The following NEGR1 variants were observed in gnomAD, a reference collection of about 807,000 sequenced individuals.
NEGR1 encodes IgLON family member 4.
NEGR1 carries 10 observed loss-of-function variants against 40.9 expected under a neutral mutation model. The ratio of observed to expected loss-of-function variants is 0.24; its 90% confidence interval spans 0.15 to 0.42. The LOEUF (loss-of-function observed/expected upper bound fraction) is 0.42, where lower values mean the gene tolerates loss of function less well. NEGR1 is among the 10% of genes least tolerant of loss of function. The pLI, the probability that NEGR1 is intolerant of heterozygous loss-of-function variation, is 1.00. For synonymous variants in NEGR1, 185 were observed against 166.8 expected (o/e 1.11, Z -0.84); for missense variants, 352 against 438.9 (o/e 0.80, Z 1.77).
intron 4 of NEGR1, among the ~76,000 whole-genome samples, chr1:71,647,463 T>G (rs1022049372): frequency 6.6e-6 from 1 of 151,942 alleles, no homozygotes; most frequent in African/African-American, 2.4e-5. Flanking sequence ...TTATTATTGG[T>G]GAAGAAATAG....
chr1:71,792,516 T>C (rs1657154813), intron 2 of NEGR1, among the ~76,000 whole-genome samples: 1 of 152,196 alleles, frequency 6.6e-6, no homozygotes, highest in Non-Finnish European at 1.5e-5. Flanking sequence ...TGTTTTTCAT[T>C]TCCAGAGATA....
chr1:71,614,910 G>A (rs142135704), intron 4 of NEGR1, among the ~76,000 whole-genome samples: 163 of 152,260 alleles, frequency 1.1e-3, no homozygotes, highest in Middle Eastern at 0.01. Flanking sequence ...CTAGGGCTTC[G>A]TGGGCTGCTA....
rs1190595125 is a variant in NEGR1 at position 71,975,140 on chromosome 1, G to A, written c.177-39829C>T. Among the ~76,000 whole-genome samples, 3 of 152,130 alleles carry A rather than the reference G, an allele frequency of 2.0e-5. No homozygotes were observed. The South Asian group carries it at 6.2e-4, about 31-fold the overall frequency. On this transcript the variant is annotated intron_variant, in intron 1 of 6. Coordinates refer to ENST00000357731, the MANE Select transcript of NEGR1 (RefSeq NM_173808.3). ...AAGGAATTCAGAGTTTTCCAAAGAAGCACATAAAGGATTTCAAATGCATTC... is the reference window on the plus strand; with the variant it reads ...AAGGAATTCAGAGTTTTCCAAAGAAACACATAAAGGATTTCAAATGCATTC...
chr1:71,825,472 G>A lies in NEGR1; in HGVS notation c.410-49175C>T, dbSNP rs1197666359. Among the ~76,000 whole-genome samples, 3 of 151,948 alleles carry A rather than the reference G, an allele frequency of 2.0e-5. No homozygotes were observed. The East Asian group carries it at 5.8e-4, about 30-fold the overall frequency. ...GATTCTGATTCACAAAGGAACCACT[G>A]GATTATGCTCCAGGTATCTGACAGG... On this transcript the variant is annotated intron_variant, in intron 2 of 6. Coordinates refer to ENST00000357731, the MANE Select transcript of NEGR1 (RefSeq NM_173808.3).
At chr1:71,422,443 C>T (rs1284320885) in intron 6 of NEGR1, 1 of 152,130 alleles carries the variant, frequency 6.6e-6, no homozygotes, top group East Asian at 1.9e-4. Context: ...TTGTCATAAT[C>T]GTTTTTGTGT....
At chr1:71,651,408 C>A (rs754393891) in intron 4 of NEGR1, among the ~76,000 whole-genome samples, 6 of 152,092 alleles carry the variant, frequency 3.9e-5, no homozygotes, top group Non-Finnish European at 7.4e-5. Context: ...TGATATCCAG[C>A]ACACGGGATT....
intron 3 of NEGR1, among the ~76,000 whole-genome samples, chr1:71,717,383 C>T (rs894378271): frequency 6.6e-6 from 1 of 152,120 alleles, no homozygotes; most frequent in African/African-American, 2.4e-5. Flanking sequence ...AATAAGAATT[C>T]TTTTGTTCTT....
intron 4 of NEGR1, among the ~76,000 whole-genome samples, chr1:71,631,181 ATT>A (rs971096864): frequency 3.3e-5 from 5 of 151,802 alleles, no homozygotes; most frequent in African/African-American, 9.7e-5. Context: ...TATCAAATTT[ATT>A]TTGTTTCCAC....
intron 1 of NEGR1, among the ~76,000 whole-genome samples, chr1:72,040,640 C>T (rs1295492572): frequency 7.3e-6 from 1 of 137,296 alleles, no homozygotes; most frequent in African/African-American, 2.7e-5. Context: ...AACTGGGAAC[C>T]TTACTGAAAG....
intron 4 of NEGR1, among the ~76,000 whole-genome samples, chr1:71,687,525 C>A (rs1006744850): frequency 4.6e-5 from 7 of 152,166 alleles, no homozygotes; most frequent in Non-Finnish European, 8.8e-5. Context: ...AACAAAAGCT[C>A]TTATTTCACA....
In NEGR1 at chr1:72,004,075, G is replaced by A. The variant is rs561767933; in HGVS notation, c.177-68764C>T. ...GAGAAAAGAAGTGTGGAGAGAATGG[G>A]GGCAATTGAACTTCCCATAATCAAC... On this transcript the variant is annotated intron_variant, in intron 1 of 6. Transcript: ENST00000357731. Among the ~76,000 whole-genome samples the A allele has an allele frequency of 2.0e-5, 3 of 151,892 alleles. No homozygotes were observed. The East Asian group carries it at 5.8e-4, about 29-fold the overall frequency.
chr1:72,153,403 T>C (rs1651240530), intron 1 of NEGR1, among the ~76,000 whole-genome samples: 2 of 151,884 alleles, frequency 1.3e-5, no homozygotes, highest in African/African-American at 2.4e-5. Flanking sequence ...TTCCAAACTG[T>C]ATCATGATAG....
chr1:72,046,924 T>G lies in NEGR1; in HGVS notation c.177-111613A>C, dbSNP rs12563937. On this transcript the variant is annotated intron_variant, in intron 1 of 6. Transcript: ENST00000357731. Reference sequence around the variant, plus strand: ...CATATTAGAATGCTATTTCACAGGCTGTTGGGGAAGTAATCTGTGTGACCT... The same window carrying G: ...CATATTAGAATGCTATTTCACAGGCGGTTGGGGAAGTAATCTGTGTGACCT... Among the ~76,000 whole-genome samples, 218 of 151,762 alleles carry G rather than the reference T, an allele frequency of 1.4e-3. 4 individuals are homozygous for G. The East Asian group carries it at 0.034, about 24-fold the overall frequency.
intron 4 of NEGR1, among the ~76,000 whole-genome samples, chr1:71,692,832 T>A (rs1653338937): frequency 6.6e-6 from 1 of 151,780 alleles, no homozygotes. Context: ...AAAACTTACT[T>A]CACAGCACAC....
At chr1:72,119,419 A>C (rs557296823) in intron 1 of NEGR1, among the ~76,000 whole-genome samples, 1 of 152,042 alleles carries the variant, frequency 6.6e-6, no homozygotes, top group Admixed American at 6.6e-5. Flanking sequence ...ATGATATTAT[A>C]TTTAGCACAC....
At chr1:71,660,279 A>G (rs1025720759) in intron 4 of NEGR1, among the ~76,000 whole-genome samples, 3 of 152,156 alleles carry the variant, frequency 2.0e-5, no homozygotes, top group African/African-American at 7.2e-5. Flanking sequence ...AAATGATAAG[A>G]ACTTATGAAC....
At chr1:72,137,327 A>G (rs764902436) in intron 1 of NEGR1, among the ~76,000 whole-genome samples, 13 of 152,186 alleles carry the variant, frequency 8.5e-5, no homozygotes, top group Non-Finnish European at 1.5e-4. Flanking sequence ...TCACAATAGA[A>G]AAGTCTTGGA....
Position 71,721,235 on chromosome 1 carries a change from T to A in NEGR1, c.536-23096A>T, listed in dbSNP as rs559149454. On this transcript the variant is annotated intron_variant, in intron 3 of 6. Coordinates refer to ENST00000357731, the MANE Select transcript of NEGR1 (RefSeq NM_173808.3). ...CTTTGAAAACTTACAAAAAGTCGAATCCCTTGTCCTTGATTCTCAAATCAT... is the reference window on the plus strand; with the variant it reads ...CTTTGAAAACTTACAAAAAGTCGAAACCCTTGTCCTTGATTCTCAAATCAT... 2.0e-5 allele frequency among the ~76,000 whole-genome samples: 3 copies of A among 152,266 alleles called. No individual in the cohort carries two copies. In the East Asian group the frequency reaches 5.8e-4, roughly 29 times the overall value.
At chr1:71,416,119 C>A (rs983803292) in intron 6 of NEGR1, among the ~76,000 whole-genome samples, 4 of 152,136 alleles carry the variant, frequency 2.6e-5, no homozygotes, top group African/African-American at 9.7e-5. Flanking sequence ...TCACTGCCAT[C>A]AGCTGTGTCT....
Sources: allele counts gnomAD v4.1 joint callset (sites outside exome capture counted in the v4.1 genomes callset), GRCh38; gene constraint gnomAD v4.1.1; transcripts MANE v1.5; gene names NCBI Gene and HGNC (gene_info 2026-07-23, HGNC 2026-07-21).